The following FYB1 variants were observed in gnomAD, a reference collection of about 807,000 sequenced individuals.
FYB1 encodes FYN-binding protein 1.
Under a neutral mutation model 94.1 loss-of-function variants are expected in FYB1, and 41 were observed. The ratio of observed to expected loss-of-function variants is 0.44; its 90% CI spans 0.34 to 0.57. The LOEUF is 0.57. Among genes scored for constraint, FYB1 ranks in the 20% least tolerant of loss-of-function variants. The probability of loss-of-function intolerance (pLI) is 0.02; values close to 1 mark genes in which losing one functional copy is unlikely to be tolerated. For synonymous variants in FYB1, 367 were observed against 353.2 expected (o/e 1.04, Z -0.44); for missense variants, 1,050 against 976.8 (o/e 1.07, Z -1.00).
At chr5:39,124,324 A>G (rs1330216433) in intron 12 of FYB1, 46 bp from the exon 13 acceptor site, 16 of 1,382,898 alleles carry the variant, frequency 1.2e-5, no homozygotes, top group Non-Finnish European at 1.6e-5. Context: ...TAACATGAAC[A>G]CAGAAATTGA....
chr5:39,270,631 G>T (rs1579821209), intron 1 of FYB1: 2 of 1,512,886 alleles, frequency 1.3e-6, no homozygotes, highest in East Asian at 4.9e-5. Context: ...GTGCAGCTTG[G>T]ATAGTGAATG....
intron 1 of FYB1, among the ~76,000 whole-genome samples, chr5:39,231,153 A>AAAC (rs1750719834): frequency 8.4e-6 from 1 of 118,658 alleles, no homozygotes; most frequent in Non-Finnish European, 1.6e-5. Flanking sequence ...AGAGCAAAAA[A>AAAC]AAAAAAAACA....
intron 2 of FYB1, among the ~76,000 whole-genome samples, chr5:39,187,383 G>A (rs759516884): frequency 1.3e-5 from 2 of 152,198 alleles, no homozygotes; most frequent in South Asian, 4.1e-4. Flanking sequence ...CAACTGCCTA[G>A]CTTGCTTTTG....
At chr5:39,143,996 T>G (rs1022945084) in intron 3 of FYB1, among the ~76,000 whole-genome samples, 3 of 152,212 alleles carry the variant, frequency 2.0e-5, no homozygotes, top group Non-Finnish European at 4.4e-5. Context: ...CAGAATTAAA[T>G]ACAGACATGA....
intron 1 of FYB1, among the ~76,000 whole-genome samples, chr5:39,268,235 T>C (rs1752514996): frequency 6.6e-6 from 1 of 151,436 alleles, no homozygotes; most frequent in Admixed American, 6.6e-5. Context: ...TATATTTCTT[T>C]TTTTCTTTTT....
intron 14 of FYB1, 149 bp from the exon 15 acceptor site, chr5:39,119,783 A>C (rs1739916342): frequency 9.8e-7 from 1 of 1,020,296 alleles, no homozygotes; most frequent in Non-Finnish European, 1.3e-6. Flanking sequence ...TCATTGTAAT[A>C]AATGATGACA....
At chr5:39,109,455 A>T (rs1051512474) in intron 17 of FYB1, among the ~76,000 whole-genome samples, 1 of 152,042 alleles carries the variant, frequency 6.6e-6, no homozygotes, top group Non-Finnish European at 1.5e-5. Flanking sequence ...TGTCCTTAAA[A>T]TTTGTATCTT....
intron 11 of FYB1, 130 bp from the exon 12 acceptor site, chr5:39,126,265 A>C: frequency 6.4e-6 from 6 of 936,966 alleles, no homozygotes; most frequent in Non-Finnish European, 9.3e-6. Flanking sequence ...TAAATAACTC[A>C]TTTTATTGGA....
chr5:39,201,728 T>C (rs1274238579), intron 2 of FYB1, 98 bp downstream of exon 2: 2 of 1,086,706 alleles, frequency 1.8e-6, no homozygotes, highest in African/African-American at 1.6e-5. Flanking sequence ...GTACCAGATA[T>C]AGAGAATCAT....
At chr5:39,208,453 G>A (rs186473448) in intron 1 of FYB1, among the ~76,000 whole-genome samples, 3 of 152,222 alleles carry the variant, frequency 2.0e-5, no homozygotes, top group Non-Finnish European at 4.4e-5. Flanking sequence ...TACCATACGT[G>A]GAGTTTCTTT....
chr5:39,219,199 A>G (rs1225826891), intron 1 of FYB1, among the ~76,000 whole-genome samples: 3 of 152,186 alleles, frequency 2.0e-5, no homozygotes, highest in African/African-American at 7.2e-5. Context: ...TCCAGTTACG[A>G]AAGAGCAAGT....
chr5:39,269,262 G>A (rs1341637632), intron 1 of FYB1, among the ~76,000 whole-genome samples: 1 of 151,304 alleles, frequency 6.6e-6, no homozygotes, highest in Non-Finnish European at 1.5e-5. Context: ...TGTTAGCCAG[G>A]ATGGTCTCGA....
At chr5:39,136,511 T>C (rs1741692440) in intron 7 of FYB1, among the ~76,000 whole-genome samples, 2 of 152,236 alleles carry the variant, frequency 1.3e-5, no homozygotes, top group Non-Finnish European at 2.9e-5. Flanking sequence ...GCAAGCTTTT[T>C]CAAAATCAAA....
At chr5:39,145,901 T>C (rs531322646) in intron 3 of FYB1, among the ~76,000 whole-genome samples, 11 of 101,850 alleles carry the variant, frequency 1.1e-4, no homozygotes, top group Admixed American at 1.1e-3. Flanking sequence ...CCTCCCATTC[T>C]TTTTTTTTTT....
intron 1 of FYB1, among the ~76,000 whole-genome samples, chr5:39,246,191 G>T (rs1285500399): frequency 1.3e-5 from 2 of 152,118 alleles, no homozygotes; most frequent in Non-Finnish European, 2.9e-5. Flanking sequence ...AGTAGGGGAA[G>T]CTTAGAGCCC....
intron 3 of FYB1, among the ~76,000 whole-genome samples, chr5:39,142,914 T>C (rs1012376269): frequency 1.3e-5 from 2 of 152,206 alleles, no homozygotes; most frequent in Admixed American, 6.5e-5. Flanking sequence ...CCATGAGAAA[T>C]AGCTCCTGGC....
At chr5:39,246,152 G>A (rs952827868) in intron 1 of FYB1, among the ~76,000 whole-genome samples, 1 of 152,122 alleles carries the variant, frequency 6.6e-6, no homozygotes, top group Non-Finnish European at 1.5e-5. Context: ...CCAGTGGCAT[G>A]AGGATGAAAA....
At chr5:39,168,398 A>G (rs1744934043) in intron 2 of FYB1, among the ~76,000 whole-genome samples, 1 of 152,196 alleles carries the variant, frequency 6.6e-6, no homozygotes, top group African/African-American at 2.4e-5. Context: ...TTAATGAAAA[A>G]GTTATTCTTC....
Position 39,253,441 on chromosome 5 carries a change from T to C in FYB1, c.-28+20962A>G, listed in dbSNP as rs192293384. On this transcript the variant is annotated intron_variant, in intron 1 of 1. Transcript: ENST00000510188. ...GAACCTATGACTCATCATGAATCCTTGGGAAATGACAACAACAAAATCTTT... is the reference window on the plus strand; with the variant it reads ...GAACCTATGACTCATCATGAATCCTCGGGAAATGACAACAACAAAATCTTT... Among the ~76,000 whole-genome samples, 130 of 152,242 alleles carry C rather than the reference T, an allele frequency of 8.5e-4. 2 individuals are homozygous for C. Among genetic ancestry groups the C allele is most frequent in the African/African-American group, 3.0e-3 (123 of 41,534 alleles).
Sources: gnomAD v4.1 joint callset for allele counts (sites outside exome capture counted in the v4.1 genomes callset) on GRCh38, gnomAD v4.1.1 for gene constraint, MANE v1.5 for transcripts, NCBI Gene and HGNC (gene_info 2026-07-23, HGNC 2026-07-21) for gene names.